The following CREBBP variants were observed in gnomAD, a reference collection of about 807,000 sequenced individuals.
CREBBP encodes CREB binding lysine acetyltransferase.
CREBBP carries 19 observed loss-of-function variants against 265.0 expected under a neutral mutation model. The ratio of observed to expected loss-of-function variants is 0.07; its 90% CI spans 0.05 to 0.11. The LOEUF (loss-of-function observed/expected upper bound fraction) is 0.11, where lower values mean the gene tolerates loss of function less well. Among genes scored for constraint, CREBBP ranks in the 10% least tolerant of loss-of-function variants. CREBBP has a pLI of 1.00. For missense variants in CREBBP, 2,525 were observed against 3,219.0 expected (o/e 0.78, Z 5.22); for synonymous variants, 1,457 against 1,223.7 (o/e 1.19, Z -3.98).
intron 16 of CREBBP, among the ~76,000 whole-genome samples, chr16:3,766,182 T>C (rs2052847779): frequency 6.6e-6 from 1 of 151,674 alleles, no homozygotes; most frequent in East Asian, 1.9e-4. Flanking sequence ...CAATGGATTC[T>C]AATGTCACAG....
intron 2 of CREBBP, among the ~76,000 whole-genome samples, chr16:3,818,903 GAC>G (rs1411722108): frequency 6.6e-6 from 1 of 152,234 alleles, no homozygotes; most frequent in African/African-American, 2.4e-5. Flanking sequence ...AAAGGGCAGG[GAC>G]ACACTAAATC....
intron 1 of CREBBP, among the ~76,000 whole-genome samples, chr16:3,867,669 A>C (rs984312494): frequency 6.6e-6 from 1 of 151,200 alleles, no homozygotes; most frequent in Non-Finnish European, 1.5e-5. Flanking sequence ...TGTAATCCCT[A>C]AACTTTGGGA....
chr16:3,856,847 T>C (rs2054974117), intron 1 of CREBBP, among the ~76,000 whole-genome samples: 1 of 152,196 alleles, frequency 6.6e-6, no homozygotes, highest in Admixed American at 6.5e-5. Flanking sequence ...TAACTGGCTA[T>C]TTTGAACATC....
At chr16:3,836,836 G>T (rs1426026355) in intron 2 of CREBBP, among the ~76,000 whole-genome samples, 1 of 152,102 alleles carries the variant, frequency 6.6e-6, no homozygotes, top group East Asian at 1.9e-4. Flanking sequence ...GATTACCATG[G>T]AACTGAAAAA....
chr16:3,732,438 G>T (rs1291542926), intron 28 of CREBBP, among the ~76,000 whole-genome samples: 1 of 152,212 alleles, frequency 6.6e-6, no homozygotes, highest in Non-Finnish European at 1.5e-5. Flanking sequence ...ACGGAGAGCA[G>T]GCTGGCTCCC....
At chr16:3,774,395 A>G (rs1419968737) in intron 12 of CREBBP, among the ~76,000 whole-genome samples, 174 bp downstream of exon 12, 1 of 152,242 alleles carries the variant, frequency 6.6e-6, no homozygotes, top group African/African-American at 2.4e-5. Flanking sequence ...TAACAGTCAA[A>G]TAATTCTGTG....
chr16:3,789,007 G>C (rs1202606510), intron 5 of CREBBP, among the ~76,000 whole-genome samples: 1 of 152,200 alleles, frequency 6.6e-6, no homozygotes, highest in East Asian at 1.9e-4. Context: ...GTAATCAATG[G>C]TCTGGGCTTC....
chr16:3,741,658 A>G (rs1295259017), intron 23 of CREBBP: 3 of 150,650 alleles, frequency 2.0e-5, no homozygotes, highest in African/African-American at 4.8e-5. Flanking sequence ...TACAAAATTA[A>G]GCTGAGCGCA....
Position 3,810,734 on chromosome 16 carries a change from G to C in CREBBP, c.844C>G (p.Gln282Glu). 1 of 1,613,856 alleles carries C rather than the reference G, an allele frequency of 6.2e-7. No individual in the cohort carries two copies. The highest frequency in any genetic ancestry group is 8.5e-7 in the Non-Finnish European group (1 of 1,180,018). ...GCTCCCATTGGCTGCCCTCCAGCTT[G>C]ACTAAAGGGCTGTCCAAATGGACTT... is the stretch of plus-strand genomic sequence containing the variant. ...NTSPFGQPFS[Q>E]AGGQPMGATG... is the part of the protein sequence containing the mutation. Residue 282 changes from glutamine (Q) to glutamate (E), a missense_variant, in exon 3 of 31, where the codon CAA becomes GAA. Physicochemically the swap from Gln to Glu is conservative, Grantham distance 29. Around this residue, in one of 19 missense-constraint regions of CREBBP, gnomAD observed 126 missense variants for 171.9 expected, o/e 0.73. Transcript: ENST00000262367.
chr16:3,795,990 C>T (rs185684137), intron 3 of CREBBP, among the ~76,000 whole-genome samples: 2 of 152,228 alleles, frequency 1.3e-5, no homozygotes, highest in East Asian at 3.9e-4. Context: ...AAATCAGGAC[C>T]CCAAGAAGGC....
intron 20 of CREBBP, 65 bp downstream of exon 20, chr16:3,751,661 A>T (rs1296535101): frequency 3.4e-6 from 5 of 1,478,526 alleles, no homozygotes; most frequent in Non-Finnish European, 3.8e-6. Context: ...AGTCATTGGT[A>T]AGAGGAAAAA....
At position 3,878,721 on chromosome 16, in the gene CREBBP, G is replaced by A. The variant is rs77033131; in HGVS notation, c.85+1111C>T. ...ATTCATTAGAAACTGATTTTCAGAT[G>A]CTACCACTGCAAGACTACTGGAGAA... is the stretch of plus-strand genomic sequence containing the variant. On this transcript the variant is annotated intron_variant, in intron 1 of 30. Transcript: ENST00000262367. 3.5e-4 allele frequency among the ~76,000 whole-genome samples: 53 copies of A among 152,314 alleles called. No individual in the cohort carries two copies. In the East Asian group the frequency reaches 6.9e-3, roughly 20 times the overall value.
chr16:3,739,318 C>G, intron 25 of CREBBP: 1 of 518,848 alleles, frequency 1.9e-6, no homozygotes, highest in Non-Finnish European at 3.5e-6. Flanking sequence ...CATCCCAACT[C>G]CCCAGGTTTA....
chr16:3,752,669 C>A (rs2052500700), intron 19 of CREBBP, among the ~76,000 whole-genome samples: 1 of 152,116 alleles, frequency 6.6e-6, no homozygotes, highest in South Asian at 2.1e-4. Context: ...AAATTCAATT[C>A]TAAGCTTTGA....
Position 3,801,236 on chromosome 16 carries a change from G to C in CREBBP, c.976-7610C>G, listed in dbSNP as rs1306847438. On this transcript the variant is annotated intron_variant, in intron 3 of 30. Transcript: ENST00000262367. The stretch of plus-strand genomic sequence containing the variant: ...CACCTTGCATTATAAAGTGTTCTAA[G>C]AGAATCTGACAGGAAAACTGGTGAA... Among the ~76,000 whole-genome samples the C allele has an allele frequency of 2.0e-5, 3 of 152,218 alleles. No homozygotes were observed. In the East Asian group the frequency reaches 5.8e-4, roughly 29 times the overall value.
intron 5 of CREBBP, among the ~76,000 whole-genome samples, chr16:3,784,225 A>G (rs1385069541): frequency 1.3e-5 from 2 of 152,142 alleles, no homozygotes; most frequent in Non-Finnish European, 2.9e-5. Flanking sequence ...TAATAAACCC[A>G]ATACCTACCA....
intron 2 of CREBBP, among the ~76,000 whole-genome samples, chr16:3,828,390 C>T (rs940158164): frequency 2.6e-5 from 4 of 152,214 alleles, no homozygotes; most frequent in Non-Finnish European, 4.4e-5. Context: ...CCATGCCCGT[C>T]GAAAGCTGAC....
intron 1 of CREBBP, among the ~76,000 whole-genome samples, chr16:3,852,238 G>A (rs970887397): frequency 1.6e-5 from 2 of 126,916 alleles, no homozygotes; most frequent in Admixed American, 2.0e-4. Flanking sequence ...GCGTGATCTC[G>A]GCTCACTGCA....
At position 3,828,928 on chromosome 16, in the gene CREBBP, G is replaced by T. The variant is rs9938686; in HGVS notation, c.799-18149C>A. ...CCCAGCACAGTGCCCAGTACAATAGGCATGTCCTTTTCTGCTCTTCCTCTT... is the reference window on the plus strand; with the variant it reads ...CCCAGCACAGTGCCCAGTACAATAGTCATGTCCTTTTCTGCTCTTCCTCTT... On this transcript the variant is annotated intron_variant, in intron 2 of 30. Transcript: ENST00000262367. Among the ~76,000 whole-genome samples the T allele has an allele frequency of 4.7e-3, 708 of 152,180 alleles. 9 individuals are homozygous for T. The highest frequency in any genetic ancestry group is 0.016 in the African/African-American group (670 of 41,488).
Sources: gnomAD v4.1 joint callset for allele counts (sites outside exome capture counted in the v4.1 genomes callset) on GRCh38, gnomAD v4.1.1 for gene constraint, gnomAD v4.1.1 regional missense constraint, MANE v1.5 for transcripts, NCBI Gene and HGNC (gene_info 2026-07-23, HGNC 2026-07-21) for gene names.